The following MAPK10 variants were observed in gnomAD, a reference collection of about 807,000 sequenced individuals.
The protein encoded by MAPK10 is mitogen-activated protein kinase 10.
A neutral mutation model predicts 59.3 loss-of-function variants in MAPK10; 25 were observed. The ratio of observed to expected loss-of-function variants is 0.42; its 90% CI spans 0.31 to 0.59. The LOEUF (loss-of-function observed/expected upper bound fraction) is 0.59. Ranked by LOEUF, MAPK10 falls within the 20% of genes least tolerant of loss-of-function variation. MAPK10 has a pLI of 0.15. For missense variants in MAPK10, 351 were observed against 568.9 expected (o/e 0.62, Z 3.90); for synonymous variants, 190 against 200.5 (o/e 0.95, Z 0.44).
chr4:86,536,247 A>C (rs933156913), intron 1 of MAPK10, among the ~76,000 whole-genome samples: 5 of 152,254 alleles, frequency 3.3e-5, no homozygotes, highest in Non-Finnish European at 5.9e-5. Context: ...ATATGCTCAT[A>C]TAAATTCATG....
At chr4:86,497,759 A>G (rs957632586) in intron 1 of MAPK10, among the ~76,000 whole-genome samples, 1 of 152,194 alleles carries the variant, frequency 6.6e-6, no homozygotes, top group African/African-American at 2.4e-5. Context: ...AGCAAGCATC[A>G]TATCATTAAA....
intron 4 of MAPK10, among the ~76,000 whole-genome samples, chr4:86,135,910 C>T (rs1017775497): frequency 2.4e-4 from 36 of 151,904 alleles, no homozygotes; most frequent in African/African-American, 5.1e-4. Flanking sequence ...GGAGCCGATA[C>T]GATCAACTGG....
intron 11 of MAPK10, among the ~76,000 whole-genome samples, chr4:86,038,082 A>G (rs1174836788): frequency 2.0e-5 from 3 of 152,216 alleles, no homozygotes; most frequent in Non-Finnish European, 2.9e-5. Context: ...ATCTCTAAAG[A>G]GATAAAAACC....
chr4:86,116,585 G>A (rs1001230406), intron 4 of MAPK10, among the ~76,000 whole-genome samples: 1 of 152,194 alleles, frequency 6.6e-6, no homozygotes. Flanking sequence ...TGGAATAACT[G>A]AGAAAATCCC....
chr4:86,110,415 A>C (rs1401548084), intron 4 of MAPK10, among the ~76,000 whole-genome samples: 1 of 152,124 alleles, frequency 6.6e-6, no homozygotes, highest in Non-Finnish European at 1.5e-5. Context: ...AGGTGTAAGG[A>C]AGAGGTCCAG....
chr4:86,033,315 T>C (rs2039489842), intron 11 of MAPK10, among the ~76,000 whole-genome samples: 1 of 152,194 alleles, frequency 6.6e-6, no homozygotes, highest in Admixed American at 6.5e-5. Flanking sequence ...CAAGCGACCT[T>C]GTCCAGGACC....
intron 3 of MAPK10, among the ~76,000 whole-genome samples, chr4:86,191,388 T>C (rs1481823603): frequency 6.6e-6 from 1 of 152,040 alleles, no homozygotes; most frequent in African/African-American, 2.4e-5. Context: ...CTAAGTCTCC[T>C]TGTAGGTCTC....
chr4:86,425,257 T>C (rs1166268328), intron 1 of MAPK10, among the ~76,000 whole-genome samples: 1 of 152,200 alleles, frequency 6.6e-6, no homozygotes, highest in Non-Finnish European at 1.5e-5. Flanking sequence ...TATATTACAG[T>C]GGTGGTCTTA....
chr4:86,069,669 T>TA (rs2047416234), intron 9 of MAPK10, among the ~76,000 whole-genome samples: 1 of 152,104 alleles, frequency 6.6e-6, no homozygotes, highest in Non-Finnish European at 1.5e-5. Context: ...AGACATTTTT[T>TA]AAACAGTTAG....
At chr4:86,054,272 T>G (rs1316309284) in intron 11 of MAPK10, among the ~76,000 whole-genome samples, 1 of 152,196 alleles carries the variant, frequency 6.6e-6, no homozygotes, top group Admixed American at 6.5e-5. Context: ...CATATTCCTA[T>G]TATAAGTCAT....
intron 2 of MAPK10, chr4:86,300,839 T>G (rs1050283580): frequency 6.0e-5 from 9 of 150,972 alleles, no homozygotes; most frequent in Admixed American, 1.3e-4. Context: ...TCTCTCTCTC[T>G]TCATGACAAC....
At chr4:86,425,102 G>C (rs1747098097) in intron 1 of MAPK10, among the ~76,000 whole-genome samples, 1 of 152,150 alleles carries the variant, frequency 6.6e-6, no homozygotes, top group Admixed American at 6.5e-5. Context: ...AAGGCTTTTA[G>C]AGTCTTGAAA....
intron 10 of MAPK10, 56 bp downstream of exon 10, chr4:86,067,717 G>A (rs915125003): frequency 1.4e-6 from 2 of 1,435,728 alleles, no homozygotes; most frequent in East Asian, 4.6e-5. Context: ...TATACTGTGT[G>A]CTTGTTTGGC....
chr4:86,308,673 C>T (rs1254948538), intron 2 of MAPK10: 2 of 152,226 alleles, frequency 1.3e-5, no homozygotes, highest in African/African-American at 2.4e-5. Flanking sequence ...GATGAATCGT[C>T]GGGCTTTTAG....
At chr4:86,120,755 T>G (rs2059102003) in intron 4 of MAPK10, among the ~76,000 whole-genome samples, 1 of 152,174 alleles carries the variant, frequency 6.6e-6, no homozygotes, top group African/African-American at 2.4e-5. Flanking sequence ...TTCACAAAGC[T>G]GCCAGGCTGC....
intron 1 of MAPK10, among the ~76,000 whole-genome samples, chr4:86,439,502 A>T (rs1320659002): frequency 6.6e-6 from 1 of 152,224 alleles, no homozygotes; most frequent in Non-Finnish European, 1.5e-5. Context: ...TCAGATGAGA[A>T]CATTTGGGTT....
chr4:86,311,916 A>G (rs1305983669), intron 2 of MAPK10, among the ~76,000 whole-genome samples: 4 of 152,138 alleles, frequency 2.6e-5, no homozygotes, highest in Non-Finnish European at 4.4e-5. Flanking sequence ...ATTATTTTAT[A>G]AAAGAATCAA....
chr4:86,239,948 G>A (rs1281257308), intron 2 of MAPK10, among the ~76,000 whole-genome samples: 1 of 152,094 alleles, frequency 6.6e-6, no homozygotes, highest in Non-Finnish European at 1.5e-5. Flanking sequence ...ATGTTAGGGT[G>A]TTGATCTGAG....
At chr4:86,112,009 G>C (rs957681022) in intron 4 of MAPK10, among the ~76,000 whole-genome samples, 10 of 152,144 alleles carry the variant, frequency 6.6e-5, no homozygotes, top group African/African-American at 2.4e-4. Context: ...TATTTGTGTA[G>C]AGTTGTTTAT....
Sources: allele counts gnomAD v4.1 joint callset (sites outside exome capture counted in the v4.1 genomes callset), GRCh38; gene constraint gnomAD v4.1.1; transcripts MANE v1.5; gene names NCBI Gene and HGNC (gene_info 2026-07-23, HGNC 2026-07-21).